Variants in OR9G4 observed in about 807,000 individuals in gnomAD.
OR9G4 encodes the protein olfactory receptor family 9 subfamily G member 4, also known as olfactory receptor 9G4.
Under a neutral mutation model 16.7 loss-of-function variants are expected in OR9G4, and 19 were observed. The observed-to-expected ratio is 1.14, with a 90% CI of 0.79 to 1.67. The LOEUF (loss-of-function observed/expected upper bound fraction) is 1.67. OR9G4 is among the 40% of genes most tolerant of loss of function. The pLI is 0.00. For synonymous variants in OR9G4, 182 were observed against 146.2 expected (o/e 1.24, Z -1.76); for missense variants, 428 against 370.4 (o/e 1.16, Z -1.28).
Position 56,742,931 on chromosome 11 carries a change from G to C in OR9G4, c.836C>G (p.Thr279Ser). The C allele has an allele frequency of 6.2e-7, 1 of 1,614,160 alleles. No homozygotes were observed. Among genetic ancestry groups the C allele is most frequent in the Non-Finnish European group, 8.5e-7 (1 of 1,180,000 alleles). The change falls in exon 2 of 2, where the codon ACC (threonine) becomes AGC (serine). Residue 279 changes from threonine to serine, a missense_variant. Physicochemically the swap from Thr to Ser is moderately conservative, Grantham distance 58 (BLOSUM62 1). Coordinates refer to ENST00000641668, the MANE Select transcript of OR9G4 (RefSeq NM_001005284.2). ...ERDKVAALFY[T>S]VINPLLNPLI... The stretch of plus-strand genomic sequence containing the variant: ...AGGGTTGAGCAGTGGGTTGATCACG[G>C]TGTAGAACAGAGCAGCTACTTTGTC...
chr11:56,741,738 A>G lies in OR9G4; in HGVS notation c.*1090T>C, dbSNP rs928714514. 2.0e-5 allele frequency: 3 copies of G among 152,236 alleles called. No individual in the cohort carries two copies. The highest frequency in any genetic ancestry group is 2.0e-4 in the Admixed American group (3 of 15,292). 9.4% of individuals were successfully genotyped at this position (152,236 alleles called of 1,614,324 possible). ...CAGCAAATGTTATAACCTTTCCTCA[A>G]CAAAGTTGCTAACCTCTGAGCTGCA... On this transcript the variant is annotated 3_prime_UTR_variant, in exon 2 of 2. Transcript: ENST00000641668.
At chr11:56,744,162 G>T (rs1304281224) in intron 1 of OR9G4, among the ~76,000 whole-genome samples, 1 of 151,922 alleles carries the variant, frequency 6.6e-6, no homozygotes, top group Admixed American at 6.6e-5. Context: ...CTGCCTCCTA[G>T]GTTCAAGCAA....
In OR9G4 at chr11:56,742,966, G is replaced by A. The variant is rs372712424; in HGVS notation, c.801C>T (p.Ser267=). The A allele has an allele frequency of 3.0e-4, 478 of 1,614,030 alleles. No individual in the cohort carries two copies. The highest frequency in any genetic ancestry group is 3.8e-4 in the Non-Finnish European group (443 of 1,180,034). ...FMYSRPSSTY[S]LERDKVAALF... ...GAGCAGCTACTTTGTCCCTCTCTAGGGAGTAGGTGGAACTAGGCCTTGAAT... is the reference window on the plus strand; with the variant it reads ...GAGCAGCTACTTTGTCCCTCTCTAGAGAGTAGGTGGAACTAGGCCTTGAAT... Residue 267 remains serine, a synonymous_variant, in exon 2 of 2, where the codon TCC becomes TCT. Coordinates refer to ENST00000641668, the MANE Select transcript of OR9G4 (RefSeq NM_001005284.2).
At chr11:56,743,878 G>A (rs67042258) in intron 1 of OR9G4, 90 bp from the exon 2 acceptor site, 349,783 of 1,419,320 alleles carry the variant, frequency 0.25, 44,385 homozygotes, top group Middle Eastern at 0.31. Flanking sequence ...TTACTAAGAA[G>A]CTTGTAGATT....
In OR9G4 at chr11:56,743,773, G is replaced by A. The variant is rs148280565; in HGVS notation, c.-7C>T. 1.4e-5 allele frequency: 23 copies of A among 1,613,578 alleles called. No homozygotes were observed. Among genetic ancestry groups the A allele is most frequent in the Middle Eastern group, 1.6e-4 (1 of 6,084 alleles). ...TGCAATTTCCCACTTCCATGTCCAC[G>A]GAGGTGAAAGCCTGACTATCATGAG... On this transcript the variant is annotated 5_prime_UTR_variant, in exon 2 of 2. Transcript: ENST00000641668.
At chr11:56,747,231 G>A (rs1858431869) in intron 1 of OR9G4, among the ~76,000 whole-genome samples, 1 of 148,810 alleles carries the variant, frequency 6.7e-6, no homozygotes, top group South Asian at 2.1e-4. Context: ...TTAAGTTCTA[G>A]GGTGCATGAC....
intron 1 of OR9G4, among the ~76,000 whole-genome samples, chr11:56,748,214 G>C (rs528875524): frequency 2.6e-5 from 4 of 152,186 alleles, no homozygotes; most frequent in Non-Finnish European, 5.9e-5. Context: ...CTATCAAGAT[G>C]CATCTTCCCC....
At position 56,747,203 on chromosome 11, in the gene OR9G4, T is replaced by TATTATTATTATA. The variant is rs1554967632; in HGVS notation, c.-23+1452_-23+1453insTATAATAATAAT. On this transcript the variant is annotated intron_variant, in intron 1 of 1. Transcript: ENST00000641668. ...AAAGATTTATTATTATTATTATTAT[T>TATTATTATTATA]ATTATTATTATTATACTTTAAGTTC... Among the ~76,000 whole-genome samples, 370 of 149,774 alleles carry TATTATTATTATA rather than the reference T, an allele frequency of 2.5e-3. 1 individual carries two copies. Among genetic ancestry groups the TATTATTATTATA allele is most frequent in the Non-Finnish European group, 4.1e-3 (274 of 67,532 alleles).
chr11:56,747,183 T>TTTTTTA lies in OR9G4; in HGVS notation c.-23+1472_-23+1473insTAAAAA, dbSNP rs144992283. 1.1e-3 allele frequency among the ~76,000 whole-genome samples: 161 copies of TTTTTTA among 142,842 alleles called. 1 individual carries two copies. The East Asian group carries it at 0.031, about 28-fold the overall frequency. The allele number at this position is 142,842 out of a possible 152,430, so 93.7% of individuals were successfully genotyped here. ...GCCGTCTCTGTCCCAGCATCAAAGA[T>TTTTTTA]TTATTATTATTATTATTATTATTAT... On this transcript the variant is annotated intron_variant, in intron 1 of 1. Coordinates refer to ENST00000641668, the MANE Select transcript of OR9G4 (RefSeq NM_001005284.2).
At chr11:56,744,515 A>G (rs750764981) in intron 1 of OR9G4, among the ~76,000 whole-genome samples, 8 of 152,236 alleles carry the variant, frequency 5.3e-5, no homozygotes, top group East Asian at 3.8e-4. Flanking sequence ...ATTGTTAAGT[A>G]TTAGATTATT....
intron 1 of OR9G4, among the ~76,000 whole-genome samples, chr11:56,744,971 CT>C (rs1858382763): frequency 6.6e-6 from 1 of 152,196 alleles, no homozygotes; most frequent in Non-Finnish European, 1.5e-5. Flanking sequence ...AAACCCAGAC[CT>C]TCTTACTTGG....
rs777289204 is a variant in OR9G4 at position 56,743,605 on chromosome 11, G to A, written c.162C>T (p.His54=). The part of the protein sequence containing the change: ...TLVILIRTDS[H]LHTPMYFFIG... ...TGAAAAAGTACATAGGTGTATGCAA[G>A]TGGGAATCAGTTCGGATTAAGATAA... Residue 54 remains histidine (H), a synonymous_variant, in exon 2 of 2, where the codon CAC becomes CAT. Coordinates refer to ENST00000641668, the MANE Select transcript of OR9G4 (RefSeq NM_001005284.2). 1.1e-5 allele frequency: 17 copies of A among 1,614,012 alleles called. No individual in the cohort carries two copies. The highest frequency in any genetic ancestry group is 6.6e-5 in the South Asian group (6 of 91,084).
rs777342663 is a variant in OR9G4, at chr11:56,742,806, G to A, written c.*22C>T. ...CAATAATCTGGAAAATTCAATAACAGCATTTGCAAAGAGAATAACCTTCAT... is the reference window on the plus strand; with the variant it reads ...CAATAATCTGGAAAATTCAATAACAACATTTGCAAAGAGAATAACCTTCAT... On this transcript the variant is annotated 3_prime_UTR_variant, in exon 2 of 2. Transcript: ENST00000641668. 2 of 1,590,258 alleles carry A rather than the reference G, an allele frequency of 1.3e-6. No individual in the cohort carries two copies. Among genetic ancestry groups the A allele is most frequent in the Non-Finnish European group, 1.7e-6 (2 of 1,167,824 alleles).
chr11:56,748,215 C>T (rs1344622247), intron 1 of OR9G4, among the ~76,000 whole-genome samples: 1 of 152,176 alleles, frequency 6.6e-6, no homozygotes, highest in Non-Finnish European at 1.5e-5. Flanking sequence ...TATCAAGATG[C>T]ATCTTCCCCT....
chr11:56,743,034 G>C lies in OR9G4; in HGVS notation c.733C>G (p.Leu245Val). Reference protein sequence around the residue: ...HKAFSTCASHLISVMLFYGSL... With the variant: ...HKAFSTCASHVISVMLFYGSL... Reference sequence around the variant, plus strand: ...CCATAGAAGAGCATGACTGAGATGAGGTGGGAAGCACAGGTGGAGAATGCC... The same window carrying C: ...CCATAGAAGAGCATGACTGAGATGACGTGGGAAGCACAGGTGGAGAATGCC... The change falls in exon 2 of 2, where the codon CTC becomes GTC. Residue 245 changes from leucine to valine, a missense_variant. By Grantham distance (32) the Leu-to-Val change is conservative. Coordinates refer to ENST00000641668, the MANE Select transcript of OR9G4 (RefSeq NM_001005284.2). The C allele has an allele frequency of 6.2e-7, 1 of 1,614,018 alleles. No individual in the cohort carries two copies. The highest frequency in any genetic ancestry group is 8.5e-7 in the Non-Finnish European group (1 of 1,179,894).
In OR9G4 at chr11:56,742,790, G is replaced by A. The variant is rs372466224; in HGVS notation, c.*38C>T. 5.1e-6 allele frequency: 8 copies of A among 1,568,724 alleles called. No homozygotes were observed. The South Asian group carries it at 8.3e-5, about 16-fold the overall frequency. On this transcript the variant is annotated 3_prime_UTR_variant, in exon 2 of 2. Transcript: ENST00000641668. ...GAACACATTTATAAGCCAATAATCT[G>A]GAAAATTCAATAACAGCATTTGCAA...
In OR9G4 at chr11:56,743,069, C is replaced by T. The variant is rs1181116786; in HGVS notation, c.698G>A (p.Gly233Glu). 2.5e-6 allele frequency: 4 copies of T among 1,613,976 alleles called. No individual in the cohort carries two copies. The highest frequency in any genetic ancestry group is 3.4e-6 in the Non-Finnish European group (4 of 1,180,024). The part of the protein sequence containing the change: ...LAILRIHSAS[G>E]RHKAFSTCAS... The stretch of plus-strand genomic sequence containing the variant: ...ACAGGTGGAGAATGCCTTGTGTCTT[C>T]CTGAAGCTGAGTGGATTCTCAGGAT... The change falls in exon 2 of 2, where the codon GGA becomes GAA. Residue 233 changes from glycine to glutamate, a missense_variant. By Grantham distance (98) the Gly-to-Glu change is moderately conservative. Coordinates refer to ENST00000641668, the MANE Select transcript of OR9G4 (RefSeq NM_001005284.2).
At position 56,741,908 on chromosome 11, in the gene OR9G4, C is replaced by T. The variant is rs1858306755; in HGVS notation, c.*920G>A. 2 of 152,140 alleles carry T rather than the reference C, an allele frequency of 1.3e-5. No individual in the cohort carries two copies. Among genetic ancestry groups the T allele is most frequent in the African/African-American group, 4.8e-5 (2 of 41,416 alleles). The allele number at this position is 152,140 out of a possible 1,614,324, so 9.4% of individuals were successfully genotyped here. A position where few individuals can be genotyped will look rare whatever the true frequency, so the allele number is the denominator to read the frequency against. On this transcript the variant is annotated 3_prime_UTR_variant, in exon 2 of 2. Coordinates refer to ENST00000641668, the MANE Select transcript of OR9G4 (RefSeq NM_001005284.2). ...GGGTTTAGGGAATTGGGCTCGAGGC[C>T]AAGGCTAGTTTCCATGTGGTTAGCA...
At chr11:56,744,771 G>A (rs1858378171) in intron 1 of OR9G4, among the ~76,000 whole-genome samples, 1 of 152,164 alleles carries the variant, frequency 6.6e-6, no homozygotes, top group South Asian at 2.1e-4. Flanking sequence ...TGCTGGATAA[G>A]ACATCTGGCT....
Sources: allele counts gnomAD v4.1 joint callset (sites outside exome capture counted in the v4.1 genomes callset), GRCh38; gene constraint gnomAD v4.1.1; transcripts MANE v1.5; gene names NCBI Gene and HGNC (gene_info 2026-07-23, HGNC 2026-07-21).